CCNH: variants seen among roughly 807,000 people sequenced by gnomAD.
CCNH encodes cyclin H.
Under a neutral mutation model 41.9 loss-of-function variants are expected in CCNH, and 31 were observed. That is an observed-to-expected ratio of 0.74 (90% CI 0.56 to 1.00). The LOEUF (loss-of-function observed/expected upper bound fraction) is 1.00, where lower values mean the gene tolerates loss of function less well. Among genes scored for constraint, CCNH ranks in the 50% least tolerant of loss-of-function variants. The probability of loss-of-function intolerance (pLI) is 0.00; values close to 1 mark genes in which losing one functional copy is unlikely to be tolerated. For synonymous variants in CCNH, 138 were observed against 136.1 expected, an observed-to-expected ratio of 1.01 and a Z score of -0.10; for missense variants, 362 against 388.4, an observed-to-expected ratio of 0.93 and a Z score of 0.57.
upstream of CCNH, chr5:87,377,208 T>C (rs1761386809): frequency 9.6e-6 from 8 of 835,826 alleles, no homozygotes; most frequent in South Asian, 1.1e-4. Flanking sequence ...TCTGATTATG[T>C]TGGTTACTAT....
At position 87,394,572 on chromosome 5, in the gene CCNH, C is replaced by T. The variant is rs1459036785; in HGVS notation, c.934-88G>A. 7.6e-6 allele frequency: 12 copies of T among 1,581,616 alleles called. No individual in the cohort carries two copies. In the East Asian group the frequency reaches 1.8e-4, roughly 24 times the overall value. ...TACCTCCCTTTAAGAAAATGTTCTC[C>T]TCCTTTTACCCATGTGGATTACAAA... On this transcript the variant is annotated intron_variant, in intron 8 of 8. Coordinates refer to ENST00000256897, the MANE Select transcript of CCNH (RefSeq NM_001239.4).
At chr5:87,321,581 A>C (rs533793282) in intron 9 of CCNH, among the ~76,000 whole-genome samples, 51 of 152,342 alleles carry the variant, frequency 3.3e-4, no homozygotes, top group South Asian at 8.3e-4. Flanking sequence ...GTTTATTATG[A>C]AGGATATGTT....
Position 87,412,653 on chromosome 5 carries a change from T to C in CCNH, c.117+25A>G, listed in dbSNP as rs777460744. On this transcript the variant is annotated intron_variant, in intron 1 of 8. Coordinates refer to ENST00000256897, the MANE Select transcript of CCNH (RefSeq NM_001239.4). ...GCTCAGAATTTAGTGACCGGGCAACTGGGCAACCGTTGGGAAAACCTCACC... is the reference window on the plus strand; with the variant it reads ...GCTCAGAATTTAGTGACCGGGCAACCGGGCAACCGTTGGGAAAACCTCACC... The C allele has an allele frequency of 8.7e-5, 140 of 1,612,190 alleles. 2 individuals are homozygous for C. The South Asian group carries it at 1.5e-3, about 17-fold the overall frequency.
chr5:87,357,059 C>T (rs577791401), intron 9 of CCNH, among the ~76,000 whole-genome samples: 2 of 152,180 alleles, frequency 1.3e-5, no homozygotes, highest in African/African-American at 4.8e-5. Context: ...TGTATTGTTA[C>T]TAAGGTCTTA....
upstream of CCNH, among the ~76,000 whole-genome samples, chr5:87,379,361 C>T (rs1561324710): frequency 6.6e-6 from 1 of 152,112 alleles, no homozygotes; most frequent in South Asian, 2.1e-4. Context: ...GACACTAGAT[C>T]AGAAGGGTTA....
chr5:87,397,833 C>T (rs540629850), intron 7 of CCNH, among the ~76,000 whole-genome samples: 8 of 152,184 alleles, frequency 5.3e-5, no homozygotes, highest in South Asian at 2.1e-4. Context: ...TAAATATTTT[C>T]GGCCTTGCAG....
At chr5:87,374,998 G>T, downstream of CCNH, 1 of 1,493,402 alleles carries the variant, frequency 6.7e-7, no homozygotes, top group South Asian at 1.2e-5. Flanking sequence ...TCTTAAAATA[G>T]AAATTAAAAA....
At chr5:87,376,519 C>T in exon 1 of CCNH, 1 of 1,613,868 alleles carries the variant, frequency 6.2e-7, no homozygotes, top group South Asian at 1.1e-5. Flanking sequence ...GCACGATACT[C>T]TATGGAAAAA....
upstream of CCNH, chr5:87,380,552 C>T: frequency 6.2e-7 from 1 of 1,613,380 alleles, no homozygotes; most frequent in Non-Finnish European, 8.5e-7. Context: ...ATCTGTTCAG[C>T]ATAAGTGGCC....
upstream of CCNH, chr5:87,378,347 A>T (rs1220124134): frequency 6.3e-7 from 1 of 1,598,138 alleles, no homozygotes; most frequent in Admixed American, 1.7e-5. Context: ...ATTTGGTCAC[A>T]TTAGGTCAGT....
chr5:87,399,007 C>T (rs1350548207), intron 7 of CCNH, among the ~76,000 whole-genome samples: 1 of 151,768 alleles, frequency 6.6e-6, no homozygotes, highest in African/African-American at 2.4e-5. Context: ...TGCCAACTTT[C>T]TCTACTCTAG....
chr5:87,380,629 AC>A, upstream of CCNH: 1 of 1,508,876 alleles, frequency 6.6e-7, no homozygotes, highest in Non-Finnish European at 9.2e-7. Context: ...TAAATCACAT[AC>A]TAATAGGTGG....
chr5:87,391,059 T>G (rs1762477742), downstream of CCNH: 2 of 698,320 alleles, frequency 2.9e-6, no homozygotes, highest in Non-Finnish European at 5.2e-6. Context: ...GCCAGCAACC[T>G]TGTAAGCTAT....
At chr5:87,372,314 C>G, downstream of CCNH, 2 of 874,880 alleles carry the variant, frequency 2.3e-6, no homozygotes, top group South Asian at 1.5e-5. Flanking sequence ...CATGCTGCCA[C>G]TTGCTTCAGT....
chr5:87,362,890 TTTTCTTTCTTTC>T (rs547648090), intron 9 of CCNH, among the ~76,000 whole-genome samples: 1 of 151,542 alleles, frequency 6.6e-6, no homozygotes, highest in African/African-American at 2.4e-5. Context: ...TGGTTTCTTT[TTTTCTTTCTTTC>T]TTTCTTTTTT....
upstream of CCNH, among the ~76,000 whole-genome samples, chr5:87,382,078 C>G (rs900489509): frequency 6.6e-6 from 1 of 152,090 alleles, no homozygotes; most frequent in African/African-American, 2.4e-5. Context: ...TTCATCCACC[C>G]AAGTAGCTGG....
intron 9 of CCNH, among the ~76,000 whole-genome samples, chr5:87,363,737 G>C (rs1223644692): frequency 6.6e-6 from 1 of 151,914 alleles, no homozygotes; most frequent in African/African-American, 2.4e-5. Flanking sequence ...AGCATGTTTT[G>C]TCCCTGCCCC....
intron 9 of CCNH, among the ~76,000 whole-genome samples, chr5:87,351,420 T>C (rs1029069004): frequency 6.6e-6 from 1 of 151,354 alleles, no homozygotes; most frequent in African/African-American, 2.4e-5. Flanking sequence ...CAGTGGGGGG[T>C]GAGAAGGAAG....
At chr5:87,311,828 G>A in the CCNH span, among the ~76,000 whole-genome samples, 3 of 152,190 alleles carry the variant, frequency 2.0e-5, no homozygotes, top group Admixed American at 1.3e-4. Context: ...AAATTACATT[G>A]TTAGCATAAT....
Sources: gnomAD v4.1 joint callset for allele counts (sites outside exome capture counted in the v4.1 genomes callset) on GRCh38, gnomAD v4.1.1 for gene constraint, MANE v1.5 for transcripts, NCBI Gene and HGNC (gene_info 2026-07-23, HGNC 2026-07-21) for gene names.